The following ACYP2 variants were observed in gnomAD, a reference collection of about 807,000 sequenced individuals.
ACYP2 encodes the protein acylphosphatase 2, also known as acylphosphatase-2.
In ACYP2, 12 loss-of-function variants were observed where a neutral mutation model predicts 11.2. The observed-to-expected ratio is 1.08, with a 90% CI of 0.69 to 1.74. The LOEUF (loss-of-function observed/expected upper bound fraction) is 1.74, where lower values mean the gene tolerates loss of function less well. ACYP2 is among the 40% of genes most tolerant of loss of function. The pLI, the probability that ACYP2 is intolerant of heterozygous loss-of-function variation, is 0.00. For synonymous variants in ACYP2, 43 were observed against 32.2 expected, an observed-to-expected ratio of 1.33 and a Z score of -1.13; for missense variants, 134 against 101.9, an observed-to-expected ratio of 1.31 and a Z score of -1.35.
At chr2:54,220,266 C>T (rs1419581309) in intron 6 of ACYP2, among the ~76,000 whole-genome samples, 5 of 151,716 alleles carry the variant, frequency 3.3e-5, no homozygotes, top group Non-Finnish European at 7.4e-5. Flanking sequence ...ATATTAATAC[C>T]CAACTGTAAT....
intron 4 of ACYP2, among the ~76,000 whole-genome samples, chr2:54,068,097 A>T (rs749402969): frequency 5.3e-5 from 8 of 152,236 alleles, no homozygotes; most frequent in Non-Finnish European, 1.0e-4. Flanking sequence ...CTTACACTAG[A>T]TCTGATATTT....
chr2:54,183,987 G>C (rs956239877), intron 6 of ACYP2, among the ~76,000 whole-genome samples: 1 of 152,118 alleles, frequency 6.6e-6, no homozygotes, highest in African/African-American at 2.4e-5. Context: ...TCACAAATTG[G>C]AAACCAAAGA....
intron 6 of ACYP2, among the ~76,000 whole-genome samples, chr2:54,272,020 A>G (rs1573028127): frequency 6.6e-6 from 1 of 152,176 alleles, no homozygotes; most frequent in Admixed American, 6.5e-5. Context: ...GGCAAGAAAC[A>G]TACATGTTAC....
chr2:54,254,153 C>A (rs1290576068), intron 6 of ACYP2: 1 of 152,090 alleles, frequency 6.6e-6, no homozygotes, highest in African/African-American at 2.4e-5. Flanking sequence ...CTGACATGTC[C>A]CCTCAACCAC....
intron 2 of ACYP2, among the ~76,000 whole-genome samples, chr2:54,041,832 C>T (rs1161330848): frequency 1.3e-5 from 2 of 151,952 alleles, no homozygotes; most frequent in South Asian, 2.1e-4. Flanking sequence ...GCTCTGTTGC[C>T]CACGTTGGAG....
intron 2 of ACYP2, among the ~76,000 whole-genome samples, chr2:54,044,663 C>A (rs749217209): frequency 3.3e-5 from 5 of 151,792 alleles, no homozygotes; most frequent in African/African-American, 4.8e-5. Context: ...CCTACAATTA[C>A]AAGGATATGA....
chr2:54,292,185 T>C (rs1348727935), intron 6 of ACYP2, among the ~76,000 whole-genome samples: 1 of 152,118 alleles, frequency 6.6e-6, no homozygotes, highest in Non-Finnish European at 1.5e-5. Flanking sequence ...TTCTTATCCA[T>C]AGCAAAACAA....
intron 6 of ACYP2, among the ~76,000 whole-genome samples, chr2:54,168,435 C>CAAAATAAAATAGAATAGAAT (rs1453397156): frequency 6.6e-6 from 1 of 151,584 alleles, no homozygotes; most frequent in Non-Finnish European, 1.5e-5. Context: ...CAAAACCAAA[C>CAAAATAAAATAGAATAGAAT]AAAATAAAAT....
At chr2:54,036,193 C>G (rs907745705) in intron 2 of ACYP2, among the ~76,000 whole-genome samples, 1 of 152,194 alleles carries the variant, frequency 6.6e-6, no homozygotes, top group Non-Finnish European at 1.5e-5. Flanking sequence ...CTGCCGGGTT[C>G]AAGCGATTCT....
chr2:54,252,421 T>C (rs843710), intron 6 of ACYP2, among the ~76,000 whole-genome samples: 74,654 of 151,914 alleles, frequency 0.49, 19,706 homozygotes, highest in African/African-American at 0.7. Flanking sequence ...GGTATATTCC[T>C]AGAACTAGAT....
intron 6 of ACYP2, among the ~76,000 whole-genome samples, chr2:54,139,837 T>C (rs1445781208): frequency 6.6e-6 from 1 of 152,254 alleles, no homozygotes; most frequent in Non-Finnish European, 1.5e-5. Flanking sequence ...TGACAAGGAA[T>C]ACTTTCTACA....
At chr2:54,031,176 G>T (rs531163259) in intron 2 of ACYP2, among the ~76,000 whole-genome samples, 2 of 151,998 alleles carry the variant, frequency 1.3e-5, no homozygotes, top group Non-Finnish European at 2.9e-5. Context: ...TGCACAATGC[G>T]CAGGTTTGTT....
At chr2:54,212,802 C>A (rs911083011) in intron 6 of ACYP2, among the ~76,000 whole-genome samples, 8 of 149,820 alleles carry the variant, frequency 5.3e-5, no homozygotes, top group African/African-American at 1.7e-4. Context: ...TAAATATATT[C>A]TTGTACAAAA....
intron 6 of ACYP2, chr2:54,167,002 A>C (rs539021999): frequency 1.4e-5 from 2 of 143,924 alleles, no homozygotes; most frequent in Non-Finnish European, 1.5e-5. Flanking sequence ...AAAAGCTGTA[A>C]CTTTTTTTTT....
intron 6 of ACYP2, among the ~76,000 whole-genome samples, chr2:54,202,642 AG>A (rs1684896949): frequency 7.1e-6 from 1 of 140,056 alleles, no homozygotes; most frequent in Middle Eastern, 3.8e-3. Context: ...TCCTGACCTC[AG>A]GTGATCCATC....
At chr2:54,229,615 G>A (rs1014886879) in intron 6 of ACYP2, among the ~76,000 whole-genome samples, 1 of 151,990 alleles carries the variant, frequency 6.6e-6, no homozygotes, top group Non-Finnish European at 1.5e-5. Context: ...TTTTTTCTGT[G>A]AAAGAGAAAA....
intron 2 of ACYP2, among the ~76,000 whole-genome samples, chr2:53,998,031 T>A (rs904742976): frequency 2.0e-5 from 3 of 152,164 alleles, no homozygotes; most frequent in African/African-American, 7.2e-5. Context: ...TGTATACACG[T>A]GTATTTGCAT....
intron 5 of ACYP2, among the ~76,000 whole-genome samples, chr2:54,136,890 C>T (rs762845405): frequency 1.1e-4 from 16 of 152,030 alleles, no homozygotes; most frequent in Non-Finnish European, 7.4e-5. Context: ...GCAGGAGAAT[C>T]GCTTGAACTT....
intron 6 of ACYP2, among the ~76,000 whole-genome samples, chr2:54,287,403 T>C (rs1271878291): frequency 6.6e-6 from 1 of 152,000 alleles, no homozygotes; most frequent in Non-Finnish European, 1.5e-5. Flanking sequence ...AATTAAATTT[T>C]ACCATATGAA....
Sources: gnomAD v4.1 joint callset for allele counts (sites outside exome capture counted in the v4.1 genomes callset) on GRCh38, gnomAD v4.1.1 for gene constraint, MANE v1.5 for transcripts, NCBI Gene and HGNC (gene_info 2026-07-23, HGNC 2026-07-21) for gene names.